The following PRR5 variants were observed in gnomAD, a reference collection of about 807,000 sequenced individuals.
The protein encoded by PRR5 is proline rich 5.
In PRR5, 25 loss-of-function variants were observed where a neutral mutation model predicts 30.6. That is an observed-to-expected ratio of 0.82 (90% confidence interval 0.60 to 1.14). PRR5 has a LOEUF of 1.14. PRR5 is among the 50% of genes most tolerant of loss of function. PRR5 has a pLI of 0.00. For synonymous variants in PRR5, 286 were observed against 247.1 expected, an observed-to-expected ratio of 1.16 and a Z score of -1.48; for missense variants, 600 against 547.1, an observed-to-expected ratio of 1.10 and a Z score of -0.96.
At chr22:44,722,164 G>A (rs1930036836) in intron 2 of PRR5, among the ~76,000 whole-genome samples, 1 of 152,234 alleles carries the variant, frequency 6.6e-6, no homozygotes. Flanking sequence ...TTGTGCAAGG[G>A]AGGAGGTTGG....
chr22:44,715,767 C>T (rs997611440), intron 2 of PRR5, among the ~76,000 whole-genome samples: 2 of 152,148 alleles, frequency 1.3e-5, no homozygotes, highest in Admixed American at 6.5e-5. Context: ...ACCCTCCCAC[C>T]TCAGCCTCCT....
upstream of PRR5, among the ~76,000 whole-genome samples, chr22:44,672,477 G>T (rs545583868): frequency 6.6e-6 from 1 of 152,126 alleles, no homozygotes; most frequent in Admixed American, 6.5e-5. Flanking sequence ...CCAGCTACTC[G>T]GGAGGCTGAG....
At chr22:44,721,791 C>T (rs538850611) in intron 2 of PRR5, among the ~76,000 whole-genome samples, 20 of 152,332 alleles carry the variant, frequency 1.3e-4, no homozygotes, top group Non-Finnish European at 1.9e-4. Context: ...AGTCACATGG[C>T]GTGCTAGCAA....
intron 4 of PRR5, among the ~76,000 whole-genome samples, chr22:44,728,521 G>A (rs989778399): frequency 1.3e-5 from 2 of 152,234 alleles, no homozygotes; most frequent in African/African-American, 2.4e-5. Flanking sequence ...GTGTCCTGGG[G>A]AAGAAAGGGT....
chr22:44,725,187 C>A, intron 2 of PRR5, 57 bp from the exon 3 acceptor site: 1 of 1,604,824 alleles, frequency 6.2e-7, no homozygotes. Flanking sequence ...TCCGTGGGTC[C>A]CCCATGCCAG....
intron 2 of PRR5, among the ~76,000 whole-genome samples, chr22:44,715,771 G>T (rs2147084872): frequency 2.0e-5 from 3 of 152,166 alleles, no homozygotes; most frequent in Middle Eastern, 6.8e-3. Flanking sequence ...TCCCACCTCA[G>T]CCTCCTGAGT....
rs1395473393 is a variant in PRR5, at chr22:44,691,598, A to G, written c.-10-10894A>G. On this transcript the variant is annotated intron_variant, in intron 1 of 8. Transcript: ENST00000006251. This position sits in a 1 kb window ranked among gnomAD's most constrained non-coding sequence, Gnocchi z 4.4. ...AGACCAGCCTGGCCAACATGGCAAA[A>G]CCCCGTCTCTACTAAAAACACAAAA... is the stretch of plus-strand genomic sequence containing the variant. 1.3e-5 allele frequency among the ~76,000 whole-genome samples: 2 copies of G among 151,946 alleles called. No homozygotes were observed. Among genetic ancestry groups the G allele is most frequent in the African/African-American group, 4.8e-5 (2 of 41,364 alleles).
In PRR5 at chr22:44,727,818, G is replaced by A. The variant is rs1435621650; in HGVS notation, c.322+1184G>A. 2.6e-5 allele frequency among the ~76,000 whole-genome samples: 4 copies of A among 152,336 alleles called. 1 individual carries two copies. The highest frequency in any genetic ancestry group is 2.6e-4 in the Admixed American group (4 of 15,306). On this transcript the variant is annotated intron_variant, in intron 4 of 7. Transcript: ENST00000336985. ...TTCCTCACGTCCACTGAACATGTTGGGTGGGGCCAGCCAAGACAGGAACAC... is the reference window on the plus strand; with the variant it reads ...TTCCTCACGTCCACTGAACATGTTGAGTGGGGCCAGCCAAGACAGGAACAC...
chr22:44,732,863 C>T (rs1409484046), intron 6 of PRR5, among the ~76,000 whole-genome samples: 1 of 129,900 alleles, frequency 7.7e-6, no homozygotes, highest in Non-Finnish European at 1.7e-5. Context: ...TGCACACGCA[C>T]ATACTACACA....
chr22:44,718,263 T>C (rs979442417), intron 2 of PRR5, among the ~76,000 whole-genome samples: 1 of 141,922 alleles, frequency 7.0e-6, no homozygotes, highest in African/African-American at 2.6e-5. Flanking sequence ...GGGGCGATCT[T>C]GGCTCACTGC....
At chr22:44,681,836 G>C (rs1924317557) in intron 1 of PRR5, among the ~76,000 whole-genome samples, 1 of 152,186 alleles carries the variant, frequency 6.6e-6, no homozygotes, top group Non-Finnish European at 1.5e-5. Context: ...GAGATGATGT[G>C]GGCAAACTGC....
At chr22:44,725,342 A>G in intron 3 of PRR5, 50 bp downstream of exon 3, 1 of 1,608,632 alleles carries the variant, frequency 6.2e-7, no homozygotes. Flanking sequence ...TGAGCCAGCC[A>G]GAAAGCACAG....
At chr22:44,732,043 C>T (rs541088565) in intron 5 of PRR5, among the ~76,000 whole-genome samples, 3 of 152,348 alleles carry the variant, frequency 2.0e-5, no homozygotes, top group South Asian at 2.1e-4. Context: ...CGAGGCACAG[C>T]GTAGGGGCTC....
At chr22:44,698,072 G>A (rs1239968722), upstream of PRR5, among the ~76,000 whole-genome samples, 5 of 152,218 alleles carry the variant, frequency 3.3e-5, no homozygotes, top group Non-Finnish European at 7.3e-5. Context: ...TCCCCTGGGT[G>A]TCCAGCCGGG....
upstream of PRR5, among the ~76,000 whole-genome samples, chr22:44,701,906 C>A: frequency 6.6e-6 from 1 of 151,690 alleles, no homozygotes; most frequent in Non-Finnish European, 1.5e-5. Context: ...ATCGTGTGGG[C>A]GCGACCGCAG....
intron 4 of PRR5, chr22:44,729,638 T>TCCGACTAACCCTACTGCCC (rs1602083438): frequency 1.0e-6 from 1 of 985,320 alleles, no homozygotes; most frequent in East Asian, 1.1e-4. Context: ...CATACCTGCC[T>TCCGACTAACCCTACTGCCC]CCGACTAACC....
At chr22:44,690,138 A>T (rs1221998121) in intron 1 of PRR5, among the ~76,000 whole-genome samples, 1 of 152,128 alleles carries the variant, frequency 6.6e-6, no homozygotes, top group African/African-American at 2.4e-5. Flanking sequence ...TGCAGAAGTC[A>T]GGGATGCGGG....
intron 1 of PRR5, among the ~76,000 whole-genome samples, chr22:44,686,837 C>T (rs1005860054): frequency 3.3e-5 from 5 of 152,214 alleles, no homozygotes; most frequent in African/African-American, 1.2e-4. Flanking sequence ...AGGTCTTGAA[C>T]TCCTGATCTC....
chr22:44,706,203 A>G (rs962396299), intron 1 of PRR5, among the ~76,000 whole-genome samples: 2 of 152,128 alleles, frequency 1.3e-5, no homozygotes, highest in Admixed American at 6.5e-5. Flanking sequence ...CAAAGACCCT[A>G]TTTCCATCAA....
Sources: allele counts gnomAD v4.1 joint callset (sites outside exome capture counted in the v4.1 genomes callset), GRCh38; gene constraint gnomAD v4.1.1; non-coding constraint Gnocchi (gnomAD v3.1); transcripts MANE v1.5; gene names NCBI Gene and HGNC (gene_info 2026-07-23, HGNC 2026-07-21).